ARHGEF12: variants seen among roughly 807,000 people sequenced by gnomAD.
ARHGEF12 encodes the protein KMT2A/ARHGEF12 fusion protein.
In ARHGEF12, 66 loss-of-function variants were observed where a neutral mutation model predicts 211.2. The ratio of observed to expected loss-of-function variants is 0.31; its 90% CI spans 0.26 to 0.38. The LOEUF is 0.38. Ranked by LOEUF, ARHGEF12 falls within the 10% of genes least tolerant of loss-of-function variation. The pLI is 1.00. For synonymous variants in ARHGEF12, 592 were observed against 638.4 expected (o/e 0.93, Z 1.09); for missense variants, 1,429 against 1,869.5 (o/e 0.76, Z 4.34).
chr11:120,426,860 G>GT lies in ARHGEF12; in HGVS notation c.407-1200dup, dbSNP rs762060211. Among the ~76,000 whole-genome samples, 484 of 145,476 alleles carry GT rather than the reference G, an allele frequency of 3.3e-3. 1 individual carries two copies. The highest frequency in any genetic ancestry group is 7.9e-3 in the African/African-American group (305 of 38,564). The stretch of plus-strand genomic sequence containing the variant: ...ATCTATTACTGACTCTGATTATGGT[G>GT]TTTTTTTTTGTTTTTGTTTTTGTTT... On this transcript the variant is annotated intron_variant, in intron 7 of 40. Transcript: ENST00000397843.
chr11:120,348,470 G>A (rs1243666828), intron 1 of ARHGEF12, among the ~76,000 whole-genome samples: 1 of 152,120 alleles, frequency 6.6e-6, no homozygotes, highest in Non-Finnish European at 1.5e-5. Flanking sequence ...TGTGCCACAG[G>A]TGGAAAATTC....
intron 1 of ARHGEF12, among the ~76,000 whole-genome samples, chr11:120,381,710 G>A (rs1943884912): frequency 6.6e-6 from 1 of 152,060 alleles, no homozygotes; most frequent in African/African-American, 2.4e-5. Context: ...CCATTCTGTG[G>A]GTTCAGACAA....
intron 1 of ARHGEF12, chr11:120,385,228 G>A (rs1052142680): frequency 6.4e-5 from 54 of 838,868 alleles, no homozygotes; most frequent in Non-Finnish European, 7.8e-5. Context: ...CTTTCCATTA[G>A]CAGCGCAGTG....
intron 26 of ARHGEF12, 41 bp from the exon 27 acceptor site, chr11:120,460,631 C>G (rs1334856071): frequency 6.4e-7 from 1 of 1,554,976 alleles, no homozygotes; most frequent in Non-Finnish European, 8.9e-7. Context: ...TCTGTCTACA[C>G]TGAATGTGTT....
chr11:120,485,794 T>C lies in ARHGEF12; in HGVS notation c.*717T>C, dbSNP rs1565522615. On this transcript the variant is annotated 3_prime_UTR_variant, in exon 41 of 41. Coordinates refer to ENST00000397843, the MANE Select transcript of ARHGEF12 (RefSeq NM_015313.3). ...GAGGCAAGCACCTCTTCTCTGTAGC[T>C]GGGATCAACCACAATTAATAGGAAT... 6 of 233,498 alleles carry C rather than the reference T, an allele frequency of 2.6e-5. No homozygotes were observed. The East Asian group carries it at 3.6e-4, about 14-fold the overall frequency. 14.5% of individuals were successfully genotyped at this position (233,498 alleles called of 1,614,324 possible).
In ARHGEF12 at chr11:120,367,639, C is replaced by T. The variant is rs537876871; in HGVS notation, c.32+30364C>T. ...TTGGCCTCCCAAAGTGCTGGGATTA[C>T]AGGCGTGAGCCACCACGCCCAGCCT... On this transcript the variant is annotated intron_variant, in intron 1 of 40. Transcript: ENST00000397843. 5.3e-5 allele frequency among the ~76,000 whole-genome samples: 8 copies of T among 151,994 alleles called. No individual in the cohort carries two copies. The East Asian group carries it at 9.7e-4, about 19-fold the overall frequency.
chr11:120,470,134 T>G (rs1209619811), intron 30 of ARHGEF12, among the ~76,000 whole-genome samples: 1 of 152,194 alleles, frequency 6.6e-6, no homozygotes, highest in Non-Finnish European at 1.5e-5. Context: ...GTTAAAGATT[T>G]TGATTTGTCT....
At chr11:120,430,749 A>T (rs984365793) in intron 10 of ARHGEF12, among the ~76,000 whole-genome samples, 1 of 152,200 alleles carries the variant, frequency 6.6e-6, no homozygotes, top group African/African-American at 2.4e-5. Context: ...TTTCTGATTT[A>T]AAAAAATTAT....
intron 22 of ARHGEF12, 87 bp downstream of exon 22, chr11:120,451,811 A>G: frequency 8.2e-7 from 1 of 1,215,384 alleles, no homozygotes; most frequent in East Asian, 2.5e-5. Context: ...CAAGTTAATC[A>G]AGACTAAATC....
intron 30 of ARHGEF12, among the ~76,000 whole-genome samples, chr11:120,472,003 C>T (rs910382016): frequency 2.0e-5 from 3 of 151,998 alleles, no homozygotes; most frequent in Non-Finnish European, 4.4e-5. Flanking sequence ...ATCAGTAAGG[C>T]GTAATGAAAT....
At chr11:120,347,242 CTGTT>C (rs1490173464) in intron 1 of ARHGEF12, among the ~76,000 whole-genome samples, 1 of 120,490 alleles carries the variant, frequency 8.3e-6, no homozygotes, top group Admixed American at 9.0e-5. Flanking sequence ...CTGTCTCTCT[CTGTT>C]TCTCTCTCTC....
intron 4 of ARHGEF12, chr11:120,410,750 G>GTATA (rs1486332655): frequency 6.6e-6 from 1 of 152,156 alleles, no homozygotes; most frequent in Non-Finnish European, 1.5e-5. Flanking sequence ...AGCAGTAAAT[G>GTATA]TATACTGTGC....
chr11:120,424,253 TTACTA>T (rs796935177), intron 6 of ARHGEF12, 100 bp from the exon 7 acceptor site: 2 of 679,098 alleles, frequency 2.9e-6, no homozygotes, highest in Non-Finnish European at 4.9e-6. Flanking sequence ...TGTAATGTGA[TTACTA>T]TATTATATTG....
chr11:120,354,246 T>G (rs1396107795), intron 1 of ARHGEF12, among the ~76,000 whole-genome samples: 1 of 152,088 alleles, frequency 6.6e-6, no homozygotes, highest in Non-Finnish European at 1.5e-5. Flanking sequence ...AAGATAAGGC[T>G]CAAAGAGGGC....
At chr11:120,481,024 T>C (rs1947218608) in intron 38 of ARHGEF12, among the ~76,000 whole-genome samples, 1 of 152,222 alleles carries the variant, frequency 6.6e-6, no homozygotes, top group Non-Finnish European at 1.5e-5. Flanking sequence ...TTAGGCACTG[T>C]AGTTTCCAGC....
chr11:120,424,961 G>C (rs913642049), intron 7 of ARHGEF12, among the ~76,000 whole-genome samples: 1 of 152,076 alleles, frequency 6.6e-6, no homozygotes, highest in Non-Finnish European at 1.5e-5. Context: ...AAATCTTTAG[G>C]GTTAAGAATT....
At chr11:120,408,060 T>C (rs1162122880) in intron 3 of ARHGEF12, 2 of 361,898 alleles carry the variant, frequency 5.5e-6, no homozygotes, top group Non-Finnish European at 9.8e-6. Flanking sequence ...TATCTTTAAA[T>C]AGTGATAATA....
At chr11:120,368,023 A>G (rs1943478263) in intron 1 of ARHGEF12, among the ~76,000 whole-genome samples, 2 of 152,180 alleles carry the variant, frequency 1.3e-5, no homozygotes, top group Admixed American at 1.3e-4. Context: ...GAAAGATTTC[A>G]TTATGGGATA....
chr11:120,343,924 G>A (rs2135248837), intron 1 of ARHGEF12, among the ~76,000 whole-genome samples: 1 of 152,174 alleles, frequency 6.6e-6, no homozygotes, highest in African/African-American at 2.4e-5. Context: ...GATCAAAGAG[G>A]ACTTTGTAGA....
Sources: gnomAD v4.1 joint callset for allele counts (sites outside exome capture counted in the v4.1 genomes callset) on GRCh38, gnomAD v4.1.1 for gene constraint, MANE v1.5 for transcripts, NCBI Gene and HGNC (gene_info 2026-07-23, HGNC 2026-07-21) for gene names.